The following KIRREL3 variants were observed in gnomAD, a reference collection of about 807,000 sequenced individuals.
The protein encoded by KIRREL3 is kin of IRRE-like protein 3.
In KIRREL3, 36 loss-of-function variants were observed where a neutral mutation model predicts 89.7. The ratio of observed to expected loss-of-function variants is 0.40; its 90% CI spans 0.31 to 0.53. The LOEUF (loss-of-function observed/expected upper bound fraction) is 0.53. KIRREL3 is among the 20% of genes least tolerant of loss of function. KIRREL3 has a pLI of 0.49. For missense variants in KIRREL3, 864 were observed against 1,056.6 expected (o/e 0.82, Z 2.53); for synonymous variants, 445 against 441.4 (o/e 1.01, Z -0.10).
intron 4 of KIRREL3, among the ~76,000 whole-genome samples, chr11:126,487,393 T>TA: frequency 6.6e-6 from 1 of 152,292 alleles, no homozygotes; most frequent in East Asian, 1.9e-4. Context: ...TGGAGCACCA[T>TA]AAAACCAAAT....
chr11:126,880,365 G>T (rs1041246639), intron 1 of KIRREL3, among the ~76,000 whole-genome samples: 2 of 152,010 alleles, frequency 1.3e-5, no homozygotes, highest in Admixed American at 6.6e-5. Flanking sequence ...CAGTCAAATC[G>T]TCCCTTCGTC....
In KIRREL3 at chr11:126,477,997, G is replaced by T. The variant is rs922843900; in HGVS notation, c.434-4531C>A. On this transcript the variant is annotated intron_variant, in intron 4 of 16. Coordinates refer to ENST00000525144, the MANE Select transcript of KIRREL3 (RefSeq NM_032531.4). The surrounding 1 kb of genome is among the most constrained non-coding windows in gnomAD (Gnocchi z 4.8). ...ATCACCAACACCAAACCCTCCAGGG[G>T]CTTCCCGCTGAAGGAGAGTAGGTGT... 2.0e-5 allele frequency among the ~76,000 whole-genome samples: 3 copies of T among 152,214 alleles called. No homozygotes were observed. The highest frequency in any genetic ancestry group is 7.2e-5 in the African/African-American group (3 of 41,460).
chr11:126,618,521 G>A (rs974394999), intron 1 of KIRREL3, among the ~76,000 whole-genome samples: 5 of 152,186 alleles, frequency 3.3e-5, no homozygotes, highest in Admixed American at 3.3e-4. Flanking sequence ...TGCAAACTCC[G>A]CCTCCTGGGT....
chr11:126,509,985 C>T, intron 4 of KIRREL3, among the ~76,000 whole-genome samples: 1 of 88,352 alleles, frequency 1.1e-5, no homozygotes, highest in African/African-American at 4.9e-5. Flanking sequence ...GAGCAAGACT[C>T]CGTCTCAAAA....
intron 1 of KIRREL3, among the ~76,000 whole-genome samples, chr11:126,950,690 C>A (rs1320743913): frequency 6.6e-6 from 1 of 152,182 alleles, no homozygotes; most frequent in Non-Finnish European, 1.5e-5. Flanking sequence ...TTTCTTCTCC[C>A]ATTGTACATC....
Position 126,726,109 on chromosome 11 carries a change from G to A in KIRREL3, c.56-163197C>T, listed in dbSNP as rs533691359. Among the ~76,000 whole-genome samples the A allele has an allele frequency of 5.3e-5, 8 of 152,200 alleles. No individual in the cohort carries two copies. The East Asian group carries it at 9.7e-4, about 18-fold the overall frequency. ...CCCTCCCTCCATTCTAACCCCCTGTGTCCCGAAGTGGGTCTCTAAGGCCCT... is the reference window on the plus strand; with the variant it reads ...CCCTCCCTCCATTCTAACCCCCTGTATCCCGAAGTGGGTCTCTAAGGCCCT... On this transcript the variant is annotated intron_variant, in intron 1 of 16. Transcript: ENST00000525144.
At chr11:126,505,055 A>G (rs1005835602) in intron 4 of KIRREL3, among the ~76,000 whole-genome samples, 1 of 152,240 alleles carries the variant, frequency 6.6e-6, no homozygotes, top group African/African-American at 2.4e-5. Context: ...ATTATACTTT[A>G]AAATAGTGAA....
At position 126,883,461 on chromosome 11, in the gene KIRREL3, G is replaced by A. The variant is rs1052380742; in HGVS notation, c.55+116994C>T. On this transcript the variant is annotated intron_variant, in intron 1 of 16. Coordinates refer to ENST00000525144, the MANE Select transcript of KIRREL3 (RefSeq NM_032531.4). The surrounding 1 kb of genome is among the most constrained non-coding windows in gnomAD (Gnocchi z 4.1). Reference sequence around the variant, plus strand: ...ATTACTTCCAAAGGTCATGGTCACCGTCACAATTTCCATGACCTTACTCAT... The same window carrying A: ...ATTACTTCCAAAGGTCATGGTCACCATCACAATTTCCATGACCTTACTCAT... Among the ~76,000 whole-genome samples the A allele has an allele frequency of 9.2e-5, 14 of 152,048 alleles. No homozygotes were observed. The highest frequency in any genetic ancestry group is 2.7e-4 in the African/African-American group (11 of 41,404).
intron 2 of KIRREL3, among the ~76,000 whole-genome samples, chr11:126,536,800 A>T (rs1937929326): frequency 1.3e-5 from 2 of 152,006 alleles, no homozygotes; most frequent in Non-Finnish European, 2.9e-5. Context: ...ATGTGCCACT[A>T]TGCCTGGCTA....
chr11:126,536,911 G>T lies in KIRREL3; in HGVS notation c.134-10224C>A, dbSNP rs561418761. 3.9e-5 allele frequency among the ~76,000 whole-genome samples: 6 copies of T among 152,178 alleles called. No homozygotes were observed. The South Asian group carries it at 1.0e-3, about 26-fold the overall frequency. ...CTTCCCACTCTCAGCATCCCAAAAG[G>T]TTGGGATTACAGGCATGAGCCATTG... On this transcript the variant is annotated intron_variant, in intron 2 of 16. Transcript: ENST00000525144.
At chr11:126,979,350 G>A (rs1205056010) in intron 1 of KIRREL3, among the ~76,000 whole-genome samples, 1 of 152,132 alleles carries the variant, frequency 6.6e-6, no homozygotes, top group Non-Finnish European at 1.5e-5. Context: ...ATACAAACTA[G>A]CACAAGTAAT....
rs1464534786 is a variant in KIRREL3 at position 126,561,159 on chromosome 11, C to T, written c.133+1676G>A. On this transcript the variant is annotated intron_variant, in intron 2 of 16. Transcript: ENST00000525144. The surrounding 1 kb of genome is among the most constrained non-coding windows in gnomAD (Gnocchi z 4.5). The stretch of plus-strand genomic sequence containing the variant: ...AAGAGGAGCTTCCTCCCTCCAGAGC[C>T]CTCCCTCTCCTTCACCTCTGCCTTC... Among the ~76,000 whole-genome samples the T allele has an allele frequency of 2.0e-5, 3 of 152,118 alleles. No homozygotes were observed. The highest frequency in any genetic ancestry group is 1.9e-4 in the East Asian group (1 of 5,194).
chr11:126,941,099 A>G (rs1410466956), intron 1 of KIRREL3, among the ~76,000 whole-genome samples: 2 of 152,170 alleles, frequency 1.3e-5, no homozygotes, highest in Non-Finnish European at 1.5e-5. Context: ...TGTTATTTCA[A>G]TTGAGCATTC....
rs1055061618 is a variant in KIRREL3 at position 127,000,061 on chromosome 11, C to G, written c.55+394G>C. ...GAAATATCCACCTAAACCAAGCTCTCCCTCCCTGCCGTCTCCTTCCCTGGC... is the reference window on the plus strand; with the variant it reads ...GAAATATCCACCTAAACCAAGCTCTGCCTCCCTGCCGTCTCCTTCCCTGGC... On this transcript the variant is annotated intron_variant, in intron 1 of 16. Transcript: ENST00000525144. The surrounding 1 kb of genome is among the most constrained non-coding windows in gnomAD (Gnocchi z 7.1). 5.3e-5 allele frequency among the ~76,000 whole-genome samples: 8 copies of G among 152,186 alleles called. No individual in the cohort carries two copies. Among genetic ancestry groups the G allele is most frequent in the African/African-American group, 1.9e-4 (8 of 41,442 alleles).
At chr11:126,952,167 C>T (rs943553814) in intron 1 of KIRREL3, among the ~76,000 whole-genome samples, 1 of 152,172 alleles carries the variant, frequency 6.6e-6, no homozygotes, top group African/African-American at 2.4e-5. Context: ...CGGTGGATCA[C>T]CTGAGGTCAG....
intron 6 of KIRREL3, among the ~76,000 whole-genome samples, chr11:126,458,819 TG>T (rs778153580): frequency 2.8e-4 from 42 of 152,250 alleles, no homozygotes; most frequent in Middle Eastern, 3.4e-3. Context: ...GTCACAAAGA[TG>T]GGGTTACAAG....
At chr11:126,586,553 T>A (rs1002701967) in intron 1 of KIRREL3, among the ~76,000 whole-genome samples, 1 of 152,012 alleles carries the variant, frequency 6.6e-6, no homozygotes, top group Non-Finnish European at 1.5e-5. Flanking sequence ...TTCCATTTTA[T>A]AAACCCGAGG....
At position 126,955,118 on chromosome 11, in the gene KIRREL3, G is replaced by A. The variant is rs575407081; in HGVS notation, c.55+45337C>T. Among the ~76,000 whole-genome samples the A allele has an allele frequency of 5.3e-5, 8 of 152,316 alleles. No individual in the cohort carries two copies. Among genetic ancestry groups the A allele is most frequent in the Admixed American group, 2.6e-4 (4 of 15,308 alleles). On this transcript the variant is annotated intron_variant, in intron 1 of 16. Coordinates refer to ENST00000525144, the MANE Select transcript of KIRREL3 (RefSeq NM_032531.4). This position sits in a 1 kb window ranked among gnomAD's most constrained non-coding sequence, Gnocchi z 4.6. ...TGCCTGAGGGGGTACTGCTGCAGGC[G>A]TGTGGCTTTTCACTGTGGGCTTCCT...
intron 1 of KIRREL3, among the ~76,000 whole-genome samples, chr11:126,573,385 C>G (rs569729520): frequency 2.0e-5 from 3 of 152,272 alleles, no homozygotes; most frequent in African/African-American, 7.2e-5. Context: ...GGAGCTGAGG[C>G]TGGTGAGGAG....
Sources: gnomAD v4.1 joint callset for allele counts (sites outside exome capture counted in the v4.1 genomes callset) on GRCh38, gnomAD v4.1.1 for gene constraint, Gnocchi (gnomAD v3.1) non-coding constraint, MANE v1.5 for transcripts, NCBI Gene and HGNC (gene_info 2026-07-23, HGNC 2026-07-21) for gene names.